The following MECOM variants were observed in gnomAD, a reference collection of about 807,000 sequenced individuals.
The protein encoded by MECOM is MDS1 and EVI1 complex locus.
Under a neutral mutation model 116.3 loss-of-function variants are expected in MECOM, and 13 were observed. The ratio of observed to expected loss-of-function variants is 0.11; its 90% CI spans 0.07 to 0.18. MECOM has a LOEUF of 0.18. MECOM is among the 10% of genes least tolerant of loss of function. MECOM has a pLI of 1.00. For synonymous variants in MECOM, 528 were observed against 535.2 expected, an observed-to-expected ratio of 0.99 and a Z score of 0.19; for missense variants, 1,299 against 1,509.0, an observed-to-expected ratio of 0.86 and a Z score of 2.31.
chr3:169,185,225 G>A (rs1746544648), intron 2 of MECOM, among the ~76,000 whole-genome samples: 1 of 152,184 alleles, frequency 6.6e-6, no homozygotes, highest in Admixed American at 6.5e-5. Flanking sequence ...AGGACAGGAA[G>A]ATGAAGGTGC....
chr3:169,433,639 G>GAGAAAGAAGAAAGAA (rs1553851606), intron 1 of MECOM, among the ~76,000 whole-genome samples: 2 of 127,052 alleles, frequency 1.6e-5, no homozygotes, highest in African/African-American at 6.1e-5. Context: ...GAAAGAGAAA[G>GAGAAAGAAGAAAGAA]AGAAAGAAAG....
Position 169,484,028 on chromosome 3 carries a change from T to C in MECOM, c.38-102504A>G. 8 of 1,470,862 alleles carry C rather than the reference T, an allele frequency of 5.4e-6. No homozygotes were observed. The South Asian group carries it at 6.9e-5, about 13-fold the overall frequency. 91.1% of individuals were successfully genotyped at this position (1,470,862 alleles called of 1,614,324 possible). ...CTTCTTTTTTTTGCCCCCAAAACCA[T>C]TGTTTTATATAACTAATGGAAAGTA... is the stretch of plus-strand genomic sequence containing the variant. On this transcript the variant is annotated intron_variant, in intron 1 of 16. Coordinates refer to ENST00000651503, the MANE Select transcript of MECOM (RefSeq NM_004991.4).
At chr3:169,140,147 C>A (rs949489789) in intron 3 of MECOM, among the ~76,000 whole-genome samples, 1 of 152,086 alleles carries the variant, frequency 6.6e-6, no homozygotes, top group East Asian at 1.9e-4. Context: ...TCTGCTTTTG[C>A]TCCTACCCTG....
chr3:169,517,726 A>G (rs573944894), intron 1 of MECOM, among the ~76,000 whole-genome samples: 26 of 152,324 alleles, frequency 1.7e-4, no homozygotes, highest in African/African-American at 5.8e-4. Flanking sequence ...CACTCCCAAA[A>G]CAAGAAGAGA....
At chr3:169,147,050 G>GT in intron 2 of MECOM, 1 of 990,500 alleles carries the variant, frequency 1.0e-6, no homozygotes, top group Non-Finnish European at 1.2e-6. Flanking sequence ...GGTTTGGTGT[G>GT]TTTTGGCTTT....
rs947080606 is a variant in MECOM at position 169,346,703 on chromosome 3, T to TA, written c.375+34483dup. ...GAAATGCTTAACCTCACTCTTACTA[T>TA]AAAAAAAAATTTAAAATACTCCAAG... On this transcript the variant is annotated intron_variant, in intron 2 of 16. Coordinates refer to ENST00000651503, the MANE Select transcript of MECOM (RefSeq NM_004991.4). Among the ~76,000 whole-genome samples the TA allele has an allele frequency of 3.8e-4, 58 of 151,256 alleles. No homozygotes were observed. In the South Asian group the frequency reaches 4.0e-3, roughly 10 times the overall value.
At chr3:169,374,142 T>C (rs62294297) in intron 2 of MECOM, among the ~76,000 whole-genome samples, 9 of 149,380 alleles carry the variant, frequency 6.0e-5, no homozygotes, top group Non-Finnish European at 1.0e-4. Flanking sequence ...TCTCTCTCCC[T>C]CTCTCTCTCT....
chr3:169,612,134 C>T (rs1333621720), intron 1 of MECOM, among the ~76,000 whole-genome samples: 2 of 152,152 alleles, frequency 1.3e-5, no homozygotes, highest in Non-Finnish European at 2.9e-5. Context: ...TTGAGAATCA[C>T]TAATCTAGAA....
At chr3:169,342,999 C>T (rs1724797088) in intron 2 of MECOM, among the ~76,000 whole-genome samples, 1 of 152,076 alleles carries the variant, frequency 6.6e-6, no homozygotes, top group African/African-American at 2.4e-5. Flanking sequence ...GAAGAGGTTC[C>T]CCTCCGTTCT....
chr3:169,393,692 G>A (rs1734580276), intron 1 of MECOM, among the ~76,000 whole-genome samples: 1 of 151,982 alleles, frequency 6.6e-6, no homozygotes, highest in African/African-American at 2.4e-5. Flanking sequence ...GTGTTTTGCT[G>A]ATTTTTTTAT....
chr3:169,144,847 A>G, intron 2 of MECOM: 1 of 655,398 alleles, frequency 1.5e-6, no homozygotes, highest in Non-Finnish European at 2.7e-6. Context: ...ACCTAGAACA[A>G]AAATTATTGA....
At chr3:169,214,630 A>T (rs1751194961) in intron 2 of MECOM, among the ~76,000 whole-genome samples, 1 of 151,710 alleles carries the variant, frequency 6.6e-6, no homozygotes, top group Non-Finnish European at 1.5e-5. Flanking sequence ...GAATTTTTTT[A>T]AATGTTGCAG....
chr3:169,331,299 T>G (rs1009894741), intron 2 of MECOM, among the ~76,000 whole-genome samples: 2 of 152,136 alleles, frequency 1.3e-5, no homozygotes, highest in South Asian at 2.1e-4. Flanking sequence ...TACCACTTAC[T>G]GATTGTCTGG....
chr3:169,436,774 T>C (rs970846276), intron 1 of MECOM, among the ~76,000 whole-genome samples: 90 of 152,308 alleles, frequency 5.9e-4, no homozygotes, highest in African/African-American at 2.0e-3. Context: ...GTTATTTATA[T>C]TGAAAAACAA....
chr3:169,193,969 TAAC>T (rs1748054945), intron 2 of MECOM, among the ~76,000 whole-genome samples: 1 of 152,014 alleles, frequency 6.6e-6, no homozygotes. Flanking sequence ...ATAACAAAGA[TAAC>T]AAACTTTTCC....
At chr3:169,609,395 C>T (rs539922634) in intron 1 of MECOM, among the ~76,000 whole-genome samples, 1 of 152,160 alleles carries the variant, frequency 6.6e-6, no homozygotes, top group South Asian at 2.1e-4. Flanking sequence ...CCCCATATCA[C>T]TGGGTGATGT....
chr3:169,417,308 G>C (rs1203480457), intron 1 of MECOM, among the ~76,000 whole-genome samples: 1 of 149,558 alleles, frequency 6.7e-6, no homozygotes, highest in Non-Finnish European at 1.5e-5. Context: ...GACATGAACA[G>C]ACACTTCTCA....
chr3:169,662,870 C>A (rs1049298624), intron 1 of MECOM, among the ~76,000 whole-genome samples: 2 of 151,990 alleles, frequency 1.3e-5, no homozygotes, highest in African/African-American at 2.4e-5. Context: ...CCTTCTCCTG[C>A]CGGCCCCCCA....
At chr3:169,359,658 T>C (rs960066075) in intron 2 of MECOM, among the ~76,000 whole-genome samples, 1 of 151,722 alleles carries the variant, frequency 6.6e-6, no homozygotes, top group East Asian at 1.9e-4. Context: ...AGAATGAATA[T>C]CTTCAAAGGA....
Sources: gnomAD v4.1 joint callset for allele counts (sites outside exome capture counted in the v4.1 genomes callset) on GRCh38, gnomAD v4.1.1 for gene constraint, MANE v1.5 for transcripts, NCBI Gene and HGNC (gene_info 2026-07-23, HGNC 2026-07-21) for gene names.